Variants in DNAH5 observed in about 807,000 individuals in gnomAD.
DNAH5 encodes axonemal beta dynein heavy chain 5.
DNAH5 carries 372 observed loss-of-function variants against 518.2 expected under a neutral mutation model. The observed-to-expected ratio is 0.72, with a 90% CI of 0.66 to 0.78. The LOEUF is 0.78. Ranked by LOEUF, DNAH5 falls within the 30% of genes least tolerant of loss-of-function variation. DNAH5 has a pLI of 0.00. For synonymous variants in DNAH5, 2,039 were observed against 2,025.9 expected (o/e 1.01, Z -0.17); for missense variants, 5,523 against 5,687.0 (o/e 0.97, Z 0.93).
At chr5:13,998,819 C>T (rs190919224) in intron 1 of DNAH5, among the ~76,000 whole-genome samples, 2 of 152,234 alleles carry the variant, frequency 1.3e-5, no homozygotes, top group African/African-American at 4.8e-5. Context: ...TTTTGAATTG[C>T]ACACACATTC....
chr5:13,804,265 C>T (rs980969116), intron 47 of DNAH5, among the ~76,000 whole-genome samples: 4 of 151,938 alleles, frequency 2.6e-5, no homozygotes, highest in East Asian at 1.9e-4. Context: ...CTGGATTGTC[C>T]GAGGCAAAAA....
chr5:13,821,803 A>AT (rs1178677971), intron 40 of DNAH5, among the ~76,000 whole-genome samples: 1 of 151,984 alleles, frequency 6.6e-6, no homozygotes, highest in Non-Finnish European at 1.5e-5. Flanking sequence ...ATTTTTATAT[A>AT]TTTTTTAGAG....
chr5:13,979,052 C>T (rs1026980025), intron 1 of DNAH5, among the ~76,000 whole-genome samples: 2 of 152,138 alleles, frequency 1.3e-5, no homozygotes, highest in Non-Finnish European at 2.9e-5. Context: ...ACCCCATTTA[C>T]ACAGACACCC....
rs114740310 is a variant in DNAH5 at position 13,870,693 on chromosome 5, C to T, written c.3834+74G>A. On this transcript the variant is annotated intron_variant, in intron 24 of 78. Transcript: ENST00000265104. ...AACCATTTAGTAACTTCACTCCAGA[C>T]CCAGTCAATATTTCAGCTAATAGCA... The T allele has an allele frequency of 0.015, 19,325 of 1,325,042 alleles. 182 individuals are homozygous for T. The highest frequency in any genetic ancestry group is 0.017 in the Non-Finnish European group (16,142 of 932,106). 82.1% of individuals were successfully genotyped at this position (1,325,042 alleles called of 1,614,324 possible).
intron 32 of DNAH5, among the ~76,000 whole-genome samples, 168 bp from the exon 33 acceptor site, chr5:13,842,072 T>C (rs1765263770): frequency 1.3e-5 from 2 of 149,886 alleles, no homozygotes; most frequent in South Asian, 2.1e-4. Flanking sequence ...CCATGAAATC[T>C]AAAAGGCAAT....
chr5:13,725,126 C>T (rs952381755), intron 70 of DNAH5, among the ~76,000 whole-genome samples: 8 of 152,220 alleles, frequency 5.3e-5, no homozygotes, highest in South Asian at 4.1e-4. Flanking sequence ...CCCCCACCTC[C>T]ATGCCAGGAT....
chr5:13,791,725 T>C (rs550214089), intron 50 of DNAH5, among the ~76,000 whole-genome samples: 54 of 152,302 alleles, frequency 3.5e-4, no homozygotes, highest in African/African-American at 1.3e-3. Context: ...GGAAAATAAA[T>C]CAATTGTTTC....
chr5:13,848,801 T>A (rs1238122633), intron 31 of DNAH5, among the ~76,000 whole-genome samples: 1 of 152,140 alleles, frequency 6.6e-6, no homozygotes. Context: ...ATATTGCGAG[T>A]GATGAGGAGC....
chr5:13,868,734 G>A (rs950454917), intron 24 of DNAH5, among the ~76,000 whole-genome samples: 3 of 152,304 alleles, frequency 2.0e-5, no homozygotes, highest in African/African-American at 7.2e-5. Flanking sequence ...AGGCATGCCT[G>A]TGGTCAGCAC....
At chr5:13,961,198 T>C (rs2152046786) in intron 1 of DNAH5, among the ~76,000 whole-genome samples, 1 of 152,186 alleles carries the variant, frequency 6.6e-6, no homozygotes, top group East Asian at 1.9e-4. Flanking sequence ...ATAAAAATCA[T>C]CTTTTTAAAA....
In DNAH5 at chr5:13,846,476, C is replaced by T. The variant is rs144968465; in HGVS notation, c.5115-1483G>A. ...GGAGCCTGATGGCAACCTCCCAGGG[C>T]ATGCGTGCGGAGTGCTGGACAGTTC... On this transcript the variant is annotated intron_variant, in intron 31 of 78. Coordinates refer to ENST00000265104, the MANE Select transcript of DNAH5 (RefSeq NM_001369.3). 1.4e-4 allele frequency among the ~76,000 whole-genome samples: 21 copies of T among 152,286 alleles called. 1 individual carries two copies. The East Asian group carries it at 3.9e-3, about 28-fold the overall frequency.
intron 11 of DNAH5, 42 bp downstream of exon 11, chr5:13,913,701 G>A (rs1222802284): frequency 6.2e-7 from 1 of 1,607,816 alleles, no homozygotes; most frequent in Admixed American, 1.7e-5. Context: ...TTGAAGTTTA[G>A]TTGTGGATTA....
chr5:13,690,806 C>T lies in DNAH5; in HGVS notation c.*1178G>A, dbSNP rs771862010. On this transcript the variant is annotated 3_prime_UTR_variant, in exon 79 of 79. Transcript: ENST00000265104. ...ATAATGTTTCCTAATTAATAAAAGT[C>T]CATAGAAAGTCCCTACGCACCGTCT... is the stretch of plus-strand genomic sequence containing the variant. 1.3e-5 allele frequency: 2 copies of T among 152,158 alleles called. No individual in the cohort carries two copies. Among genetic ancestry groups the T allele is most frequent in the African/African-American group, 2.4e-5 (1 of 41,448 alleles). The allele number at this position is 152,158 out of a possible 1,614,324, so 9.4% of individuals were successfully genotyped here.
chr5:13,852,690 G>A (rs1767053615), intron 30 of DNAH5, among the ~76,000 whole-genome samples: 1 of 152,084 alleles, frequency 6.6e-6, no homozygotes. Context: ...GGGGGGAGGG[G>A]GGTCCACCAT....
At chr5:13,724,530 T>C (rs1016649864) in intron 70 of DNAH5, among the ~76,000 whole-genome samples, 1 of 152,148 alleles carries the variant, frequency 6.6e-6, no homozygotes, top group African/African-American at 2.4e-5. Flanking sequence ...GAAGAGATGA[T>C]TGTATTTTGC....
At chr5:13,910,434 T>A (rs890746871) in intron 12 of DNAH5, among the ~76,000 whole-genome samples, 40 of 152,216 alleles carry the variant, frequency 2.6e-4, no homozygotes, top group African/African-American at 9.7e-4. Flanking sequence ...TATGACTCAT[T>A]CTAACACTGA....
chr5:13,990,482 G>A (rs921081560), intron 1 of DNAH5, among the ~76,000 whole-genome samples: 6 of 152,150 alleles, frequency 3.9e-5, no homozygotes, highest in Non-Finnish European at 8.8e-5. Flanking sequence ...GAACCCGGGA[G>A]GCAGAGCTTG....
intron 15 of DNAH5, chr5:13,899,427 T>G (rs1774300447): frequency 1.3e-5 from 2 of 152,374 alleles, no homozygotes; most frequent in African/African-American, 4.8e-5. Context: ...TAAATAACAA[T>G]GATATTCTGA....
Position 13,762,763 on chromosome 5 carries a change from C to G in DNAH5, c.10240G>C (p.Ala3414Pro). The change falls in exon 60 of 79, where the codon GCT becomes CCT. Residue 3414 changes from alanine (A) to proline (P), a missense_variant. Ala to Pro is a conservative substitution (Grantham distance 27). Around this residue, in one of 3 missense-constraint regions of DNAH5, gnomAD observed 5,121 missense variants for 5,223.3 expected, o/e 0.98. Coordinates refer to ENST00000265104, the MANE Select transcript of DNAH5 (RefSeq NM_001369.3). Reference protein sequence around the residue: ...AGLCSWTKAMASFFSINKEVL... With the variant: ...AGLCSWTKAMPSFFSINKEVL... ...TCTTTGTTTATAGAAAAGAAGGAAGCCATAGCTTTCGTCCAGGAACAAAGA... is the reference window on the plus strand; with the variant it reads ...TCTTTGTTTATAGAAAAGAAGGAAGGCATAGCTTTCGTCCAGGAACAAAGA... The G allele has an allele frequency of 1.2e-6, 2 of 1,614,128 alleles. No homozygotes were observed. Among genetic ancestry groups the G allele is most frequent in the Non-Finnish European group, 1.7e-6 (2 of 1,180,010 alleles).
Sources: allele counts gnomAD v4.1 joint callset (sites outside exome capture counted in the v4.1 genomes callset), GRCh38; gene constraint gnomAD v4.1.1; regional missense constraint gnomAD v4.1.1; transcripts MANE v1.5; gene names NCBI Gene and HGNC (gene_info 2026-07-23, HGNC 2026-07-21).